TLK1: variants seen among roughly 807,000 people sequenced by gnomAD.
The protein encoded by TLK1 is serine/threonine-protein kinase tousled-like 1.
A neutral mutation model predicts 105.3 loss-of-function variants in TLK1; 24 were observed. The ratio of observed to expected loss-of-function variants is 0.23; its 90% CI spans 0.17 to 0.32. The LOEUF is 0.32. Among genes scored for constraint, TLK1 ranks in the 10% least tolerant of loss-of-function variants. TLK1 has a pLI of 1.00. For missense variants in TLK1, 558 were observed against 910.5 expected (o/e 0.61, Z 4.98); for synonymous variants, 321 against 310.4 (o/e 1.03, Z -0.36).
chr2:171,115,959 A>G (rs929914939), intron 2 of TLK1, among the ~76,000 whole-genome samples: 2 of 152,224 alleles, frequency 1.3e-5, no homozygotes, highest in Non-Finnish European at 2.9e-5. Context: ...AATATCTAAT[A>G]AAGTTGTTTT....
At chr2:171,185,850 A>G (rs1348724188) in intron 1 of TLK1, among the ~76,000 whole-genome samples, 1 of 152,252 alleles carries the variant, frequency 6.6e-6, no homozygotes, top group Admixed American at 6.5e-5. Flanking sequence ...CATCTGCAGT[A>G]CCTAACAGAG....
At chr2:171,072,166 A>C (rs905866168) in intron 3 of TLK1, among the ~76,000 whole-genome samples, 1 of 152,302 alleles carries the variant, frequency 6.6e-6, no homozygotes, top group South Asian at 2.1e-4. Context: ...GATTACATTA[A>C]ACCTATAGAT....
chr2:171,225,362 C>T (rs1693879290), intron 1 of TLK1, among the ~76,000 whole-genome samples: 1 of 151,856 alleles, frequency 6.6e-6, no homozygotes. Flanking sequence ...CACAAATGGC[C>T]AATAAGCATA....
intron 1 of TLK1, among the ~76,000 whole-genome samples, chr2:171,134,725 C>CTTTTTT (rs572825171): frequency 9.6e-6 from 1 of 103,810 alleles, no homozygotes; most frequent in Non-Finnish European, 1.8e-5. Flanking sequence ...ACTATTTGGC[C>CTTTTTT]TTTTTTTTTT....
intron 2 of TLK1, among the ~76,000 whole-genome samples, chr2:171,084,873 A>G (rs919089444): frequency 2.3e-4 from 35 of 152,338 alleles, no homozygotes; most frequent in African/African-American, 8.4e-4. Context: ...AATAAAAAGT[A>G]TATCTGAATG....
intron 1 of TLK1, among the ~76,000 whole-genome samples, chr2:171,195,385 C>T (rs1323895451): frequency 6.6e-6 from 1 of 151,670 alleles, no homozygotes; most frequent in Non-Finnish European, 1.5e-5. Context: ...CGCCTGTAGT[C>T]CCAGCTACTC....
rs768153128 is a variant in TLK1, at chr2:171,006,901, C to T, written c.1509-12G>A. 1.7e-5 allele frequency: 28 copies of T among 1,610,572 alleles called. No homozygotes were observed. The highest frequency in any genetic ancestry group is 2.0e-5 in the Non-Finnish European group (24 of 1,177,860). ...CTCTGCAGGCATGTCTATGAGAAGA[C>T]AGTGTATTAATTCTCCATGATCATT... is the stretch of plus-strand genomic sequence containing the variant. On this transcript the variant is annotated splice_polypyrimidine_tract_variant and intron_variant, in intron 15 of 20. Coordinates refer to ENST00000431350, the MANE Select transcript of TLK1 (RefSeq NM_012290.5).
intron 1 of TLK1, among the ~76,000 whole-genome samples, chr2:171,132,337 C>A (rs1270943831): frequency 1.3e-5 from 2 of 152,042 alleles, no homozygotes; most frequent in Non-Finnish European, 1.5e-5. Context: ...GAGTCCCTTC[C>A]AGGACACATG....
chr2:171,102,707 G>A lies in TLK1; in HGVS notation c.258+15032C>T, dbSNP rs112565381. Among the ~76,000 whole-genome samples the A allele has an allele frequency of 5.9e-3, 901 of 152,064 alleles. 6 individuals carry two copies. Among genetic ancestry groups the A allele is most frequent in the African/African-American group, 0.021 (865 of 41,490 alleles). ...TGTGGAGACTTAGTCCTTAAAAAAC[G>A]TCTATCATTATACCATTCAAGGTTT... is the stretch of plus-strand genomic sequence containing the variant. On this transcript the variant is annotated intron_variant, in intron 2 of 20. Coordinates refer to ENST00000431350, the MANE Select transcript of TLK1 (RefSeq NM_012290.5).
intron 14 of TLK1, among the ~76,000 whole-genome samples, chr2:171,010,925 T>C (rs1251535141): frequency 3.3e-5 from 5 of 152,188 alleles, no homozygotes; most frequent in African/African-American, 9.7e-5. Flanking sequence ...AGTCTTTGGA[T>C]TCTGGAAATA....
intron 1 of TLK1, among the ~76,000 whole-genome samples, chr2:171,176,247 C>T (rs1158315916): frequency 6.6e-6 from 1 of 152,086 alleles, no homozygotes. Context: ...GCCGGGATAT[C>T]AAGGGTTTTA....
At chr2:171,033,904 A>C (rs1278656854) in intron 11 of TLK1, among the ~76,000 whole-genome samples, 1 of 151,210 alleles carries the variant, frequency 6.6e-6, no homozygotes, top group African/African-American at 2.4e-5. Flanking sequence ...AAAAAAAAAA[A>C]AAACCTCCCA....
At chr2:171,010,104 A>G (rs1684836609) in intron 14 of TLK1, among the ~76,000 whole-genome samples, 1 of 152,202 alleles carries the variant, frequency 6.6e-6, no homozygotes. Context: ...AAAGAAGACA[A>G]TCAGCTATGA....
upstream of TLK1, among the ~76,000 whole-genome samples, chr2:171,161,852 C>G (rs917246770): frequency 1.4e-5 from 2 of 146,688 alleles, no homozygotes; most frequent in South Asian, 4.4e-4. Flanking sequence ...GATTGGGCTT[C>G]TTGTACATAA....
chr2:171,183,319 T>C (rs1216615362), intron 1 of TLK1, among the ~76,000 whole-genome samples: 1 of 152,212 alleles, frequency 6.6e-6, no homozygotes, highest in African/African-American at 2.4e-5. Context: ...CTAAACTGGA[T>C]AAGATATATC....
chr2:171,068,008 G>GA (rs1172371707), intron 3 of TLK1, among the ~76,000 whole-genome samples: 1 of 152,054 alleles, frequency 6.6e-6, no homozygotes, highest in East Asian at 1.9e-4. Context: ...CTTTTAATCA[G>GA]AAAAAAAGTG....
chr2:171,032,467 GA>G (rs1210462142), intron 11 of TLK1, among the ~76,000 whole-genome samples: 1 of 151,864 alleles, frequency 6.6e-6, no homozygotes. Context: ...ACCTGAAAAG[GA>G]TATTAAGGAA....
chr2:171,151,097 C>T (rs1461441954), intron 1 of TLK1, among the ~76,000 whole-genome samples: 1 of 152,010 alleles, frequency 6.6e-6, no homozygotes, highest in Non-Finnish European at 1.5e-5. Flanking sequence ...TCACGGCTCA[C>T]TGCAGCCTCA....
intron 11 of TLK1, among the ~76,000 whole-genome samples, chr2:171,043,384 G>A (rs989187980): frequency 2.0e-4 from 30 of 152,278 alleles, no homozygotes; most frequent in Non-Finnish European, 3.4e-4. Flanking sequence ...GCAACAATGA[G>A]GCTAGATAAC....
Sources: gnomAD v4.1 joint callset for allele counts (sites outside exome capture counted in the v4.1 genomes callset) on GRCh38, gnomAD v4.1.1 for gene constraint, MANE v1.5 for transcripts, NCBI Gene and HGNC (gene_info 2026-07-23, HGNC 2026-07-21) for gene names.